FER: variants seen among roughly 807,000 people sequenced by gnomAD.
The protein encoded by FER is tyrosine-protein kinase Fer.
Under a neutral mutation model 111.0 loss-of-function variants are expected in FER, and 63 were observed. That is an observed-to-expected ratio of 0.57 (90% CI 0.46 to 0.70). The LOEUF is 0.70. FER is among the 30% of genes least tolerant of loss of function. The probability of loss-of-function intolerance (pLI) is 0.00; values close to 1 mark genes in which losing one functional copy is unlikely to be tolerated. For missense variants in FER, 914 were observed against 954.0 expected (o/e 0.96, Z 0.55); for synonymous variants, 327 against 313.9 (o/e 1.04, Z -0.44).
At chr5:108,804,133 G>T (rs1342306796) in intron 3 of FER, among the ~76,000 whole-genome samples, 2 of 152,042 alleles carry the variant, frequency 1.3e-5, no homozygotes, top group Admixed American at 6.5e-5. Flanking sequence ...TTGGCTATCA[G>T]CTTGAATGTT....
At chr5:108,870,911 A>G (rs553522458) in intron 6 of FER, among the ~76,000 whole-genome samples, 2 of 152,134 alleles carry the variant, frequency 1.3e-5, no homozygotes, top group African/African-American at 4.8e-5. Flanking sequence ...TCAACTAAGT[A>G]TACAAAAAAG....
chr5:108,962,087 C>T (rs1322217006), intron 13 of FER, among the ~76,000 whole-genome samples: 1 of 152,042 alleles, frequency 6.6e-6, no homozygotes, highest in Non-Finnish European at 1.5e-5. Flanking sequence ...TCTTCCTTAC[C>T]TTCACATTTT....
chr5:108,905,979 T>A (rs1484564666), intron 10 of FER, among the ~76,000 whole-genome samples: 2 of 152,192 alleles, frequency 1.3e-5, no homozygotes, highest in Non-Finnish European at 2.9e-5. Context: ...TGTGATAGAA[T>A]CTTTGCTCTA....
At chr5:108,848,759 C>G (rs1762267805) in intron 5 of FER, among the ~76,000 whole-genome samples, 2 of 151,634 alleles carry the variant, frequency 1.3e-5, no homozygotes, top group Non-Finnish European at 2.9e-5. Context: ...TTATCTTTTC[C>G]AGCATTCTTT....
chr5:108,785,659 G>GT lies in FER; in HGVS notation c.-59-12460dup, dbSNP rs1270736385. ...AGGAGAGTGTTTCCCCTGGCTGTTT[G>GT]TTTTTGTTGAGGTTCCTAGTTAATC... On this transcript the variant is annotated intron_variant, in intron 2 of 19. Transcript: ENST00000281092. 11 of 335,624 alleles carry GT rather than the reference G, an allele frequency of 3.3e-5. 1 individual carries two copies. Among genetic ancestry groups the GT allele is most frequent in the Non-Finnish European group, 5.2e-5 (9 of 172,510 alleles). 20.8% of individuals were successfully genotyped at this position (335,624 alleles called of 1,614,324 possible). A position where few individuals can be genotyped will look rare whatever the true frequency, so the allele number is the denominator to read the frequency against.
At chr5:108,774,227 T>A (rs1200926878) in intron 2 of FER, among the ~76,000 whole-genome samples, 1 of 152,206 alleles carries the variant, frequency 6.6e-6, no homozygotes, top group Non-Finnish European at 1.5e-5. Context: ...GTAAAAGATA[T>A]GAGCTCATTC....
chr5:109,020,004 A>G (rs1258153283), intron 13 of FER, among the ~76,000 whole-genome samples: 3 of 151,934 alleles, frequency 2.0e-5, no homozygotes, highest in African/African-American at 7.2e-5. Flanking sequence ...CTTTTAATCC[A>G]AAATAAAATG....
At chr5:109,044,213 C>G (rs1348416864) in intron 14 of FER, among the ~76,000 whole-genome samples, 2 of 149,392 alleles carry the variant, frequency 1.3e-5, no homozygotes, top group South Asian at 2.1e-4. Flanking sequence ...GAGTCTTGCT[C>G]TGTTGCCCAG....
chr5:109,029,218 T>A (rs1264584015), intron 13 of FER, among the ~76,000 whole-genome samples: 1 of 146,536 alleles, frequency 6.8e-6, no homozygotes, highest in Non-Finnish European at 1.5e-5. Context: ...CTTTTAGGCT[T>A]TCTTTTTTTT....
intron 16 of FER, among the ~76,000 whole-genome samples, chr5:109,070,200 G>A (rs563006189): frequency 6.6e-6 from 1 of 151,828 alleles, no homozygotes; most frequent in South Asian, 2.1e-4. Flanking sequence ...AATAAAGCTG[G>A]GAAAAGATTA....
intron 2 of FER, among the ~76,000 whole-genome samples, chr5:108,785,779 C>T (rs1352321327): frequency 1.3e-5 from 2 of 152,152 alleles, no homozygotes; most frequent in Non-Finnish European, 2.9e-5. Flanking sequence ...GCCTTCTGCC[C>T]CTAGGCTGTG....
At chr5:109,020,895 G>A (rs975546868) in intron 13 of FER, among the ~76,000 whole-genome samples, 1 of 151,944 alleles carries the variant, frequency 6.6e-6, no homozygotes, top group African/African-American at 2.4e-5. Context: ...AAATGGTCCT[G>A]TTTGATTTGG....
At chr5:108,817,936 T>C (rs1758448730) in intron 3 of FER, 2 of 152,100 alleles carry the variant, frequency 1.3e-5, no homozygotes, top group South Asian at 4.1e-4. Context: ...CATTGTAGGG[T>C]TTATGTTAAT....
chr5:109,043,902 C>T (rs974073778), intron 14 of FER, among the ~76,000 whole-genome samples: 11 of 151,370 alleles, frequency 7.3e-5, no homozygotes, highest in African/African-American at 2.2e-4. Context: ...ACCTGGGAGG[C>T]GGAGGTTGCA....
chr5:108,964,370 G>A (rs955970044), intron 13 of FER, among the ~76,000 whole-genome samples: 23 of 152,246 alleles, frequency 1.5e-4, no homozygotes, highest in African/African-American at 5.1e-4. Flanking sequence ...TATCTGTGTG[G>A]TTGTATAAAG....
chr5:109,112,277 G>C (rs898522364), intron 17 of FER, among the ~76,000 whole-genome samples: 3 of 152,082 alleles, frequency 2.0e-5, no homozygotes, highest in Non-Finnish European at 4.4e-5. Flanking sequence ...AGGTATATTA[G>C]AAAATGAAAA....
chr5:109,131,601 T>C (rs190913885), intron 17 of FER, among the ~76,000 whole-genome samples: 92 of 152,250 alleles, frequency 6.0e-4, no homozygotes, highest in African/African-American at 2.0e-3. Flanking sequence ...TTTCTTCTAA[T>C]AGGAAAGATG....
Position 109,114,720 on chromosome 5 carries a change from C to T in FER, c.2048+14201C>T, listed in dbSNP as rs114073095. On this transcript the variant is annotated intron_variant, in intron 17 of 19. Transcript: ENST00000281092. Reference sequence around the variant, plus strand: ...AAAATAAAGCAGACTGGATTTGGATCATGGGCCATGTTTTTACAGACCCAT... The same window carrying T: ...AAAATAAAGCAGACTGGATTTGGATTATGGGCCATGTTTTTACAGACCCAT... 3.1e-3 allele frequency among the ~76,000 whole-genome samples: 465 copies of T among 152,152 alleles called. 1 individual carries two copies. Among genetic ancestry groups the T allele is most frequent in the African/African-American group, 0.011 (439 of 41,508 alleles).
intron 3 of FER, chr5:108,820,191 A>T (rs761836904): frequency 1.0e-5 from 10 of 985,472 alleles, no homozygotes; most frequent in Non-Finnish European, 1.2e-5. Flanking sequence ...AGCTGGATCA[A>T]CAAAGGAATC....
Sources: allele counts gnomAD v4.1 joint callset (sites outside exome capture counted in the v4.1 genomes callset), GRCh38; gene constraint gnomAD v4.1.1; transcripts MANE v1.5; gene names NCBI Gene and HGNC (gene_info 2026-07-23, HGNC 2026-07-21).